MAP3K19: variants seen among roughly 807,000 people sequenced by gnomAD.
MAP3K19 encodes the protein mitogen-activated protein kinase kinase kinase 19, also known as SPS1/STE20-related protein kinase YSK4.
MAP3K19 carries 91 observed loss-of-function variants against 114.4 expected under a neutral mutation model. The observed-to-expected ratio is 0.80, with a 90% CI of 0.67 to 0.95. MAP3K19 has a LOEUF of 0.95. Among genes scored for constraint, MAP3K19 ranks in the 40% least tolerant of loss-of-function variants. MAP3K19 has a pLI of 0.00. For missense variants in MAP3K19, 1,471 were observed against 1,573.2 expected (o/e 0.94, Z 1.10); for synonymous variants, 518 against 530.5 (o/e 0.98, Z 0.32).
intron 5 of MAP3K19, among the ~76,000 whole-genome samples, chr2:135,011,556 T>C (rs1168348069): frequency 9.1e-6 from 1 of 110,318 alleles, no homozygotes; most frequent in East Asian, 3.2e-4. Context: ...AAAAAAAAAG[T>C]CTTAAAGTTG....
At chr2:135,024,472 A>C (rs904113862) in intron 4 of MAP3K19, among the ~76,000 whole-genome samples, 154 bp downstream of exon 4, 1 of 152,220 alleles carries the variant, frequency 6.6e-6, no homozygotes, top group Non-Finnish European at 1.5e-5. Flanking sequence ...CCCCCAGAGC[A>C]CCTAGTCGTG....
At chr2:135,031,477 TG>T (rs1180613274) in intron 2 of MAP3K19, among the ~76,000 whole-genome samples, 1 of 151,738 alleles carries the variant, frequency 6.6e-6, no homozygotes, top group Non-Finnish European at 1.5e-5. Flanking sequence ...GAGAAGGAGA[TG>T]TGGGTGGAGA....
In MAP3K19 at chr2:134,964,664, A is replaced by G. The variant is rs1483172846; in HGVS notation, c.*186T>C. The G allele has an allele frequency of 6.7e-6, 3 of 448,768 alleles. No individual in the cohort carries two copies. Among genetic ancestry groups the G allele is most frequent in the Non-Finnish European group, 1.2e-5 (3 of 242,568 alleles). 27.8% of individuals were successfully genotyped at this position (448,768 alleles called of 1,614,324 possible). Reference sequence around the variant, plus strand: ...AACATGTTTTCTGATACTATGAGTAATAATGTCTGACACTTGAGGAGGCTA... The same window carrying G: ...AACATGTTTTCTGATACTATGAGTAGTAATGTCTGACACTTGAGGAGGCTA... On this transcript the variant is annotated 3_prime_UTR_variant, in exon 13 of 13. Transcript: ENST00000392915.
Position 134,987,779 on chromosome 2 carries a change from G to T in MAP3K19, c.1093C>A (p.Gln365Lys). The T allele has an allele frequency of 6.2e-7, 1 of 1,607,832 alleles. No individual in the cohort carries two copies. Among genetic ancestry groups the T allele is most frequent in the South Asian group, 1.1e-5 (1 of 91,060 alleles). ...KTRKPEEENS[Q>K]YLSSRKNESS... ...TCATTCTTTCTTGATGAAAGATATTGAGAGTTCTCTTCTTCAGGTTTTCGC... is the reference window on the plus strand; with the variant it reads ...TCATTCTTTCTTGATGAAAGATATTTAGAGTTCTCTTCTTCAGGTTTTCGC... Residue 365 changes from glutamine to lysine, a missense_variant, in exon 10 of 13, where the codon CAA becomes AAA. Coordinates refer to ENST00000392915, the MANE Select transcript of MAP3K19 (RefSeq NM_025052.5).
At chr2:134,984,803 T>G (rs1011776414) in intron 10 of MAP3K19, among the ~76,000 whole-genome samples, 9 of 152,028 alleles carry the variant, frequency 5.9e-5, no homozygotes, top group African/African-American at 1.7e-4. Flanking sequence ...AATACAAAAA[T>G]TATCCAGGCG....
At chr2:134,984,680 C>T (rs183810291) in intron 10 of MAP3K19, among the ~76,000 whole-genome samples, 2 of 152,248 alleles carry the variant, frequency 1.3e-5, no homozygotes, top group African/African-American at 4.8e-5. Flanking sequence ...TGGCTGGGCG[C>T]CGTGGCTCAC....
At chr2:134,991,619 T>G in intron 8 of MAP3K19, 39 bp from the exon 9 acceptor site, 1 of 1,556,042 alleles carries the variant, frequency 6.4e-7, no homozygotes. Context: ...TTCTTAGTAG[T>G]AGAAAGAAAA....
At chr2:134,975,424 C>T (rs1280566542) in intron 12 of MAP3K19, among the ~76,000 whole-genome samples, 1 of 152,140 alleles carries the variant, frequency 6.6e-6, no homozygotes, top group Admixed American at 6.5e-5. Context: ...CCCCAGGCCC[C>T]AGGCAATGTG....
At chr2:135,027,363 A>AAG (rs946666265) in intron 3 of MAP3K19, among the ~76,000 whole-genome samples, 1 of 151,116 alleles carries the variant, frequency 6.6e-6, no homozygotes, top group Non-Finnish European at 1.5e-5. Flanking sequence ...GAAAGAAAGA[A>AAG]AGAGAGAGAG....
intron 4 of MAP3K19, among the ~76,000 whole-genome samples, chr2:135,022,410 TGAC>T (rs1688043278): frequency 1.3e-5 from 2 of 152,190 alleles, no homozygotes; most frequent in Non-Finnish European, 2.9e-5. Flanking sequence ...TTCCTGAGGA[TGAC>T]CCATCATTAC....
chr2:135,045,182 A>G (rs1001573906), intron 1 of MAP3K19, among the ~76,000 whole-genome samples: 1 of 152,162 alleles, frequency 6.6e-6, no homozygotes, highest in African/African-American at 2.4e-5. Flanking sequence ...ATCAATTTAC[A>G]CTCCCACCAG....
In MAP3K19 at chr2:134,983,807, T is replaced by G; in HGVS notation, c.3091A>C (p.Arg1031=). Residue 1031 remains arginine, a synonymous_variant, in exon 11 of 13, where the codon AGG becomes CGG. Coordinates refer to ENST00000392915, the MANE Select transcript of MAP3K19 (RefSeq NM_025052.5). ...VKIQRHSSGL[R]IYDREEKFLI... ...AATTTCTCCTCCCTGTCATATATCC[T>G]GAGCCCACTACTATGCCTCTGGAAG... is the stretch of plus-strand genomic sequence containing the variant. 1 of 1,593,202 alleles carries G rather than the reference T, an allele frequency of 6.3e-7. No homozygotes were observed. The highest frequency in any genetic ancestry group is 8.5e-7 in the Non-Finnish European group (1 of 1,172,168).
At chr2:134,969,896 C>G (rs1035387061) in intron 12 of MAP3K19, among the ~76,000 whole-genome samples, 1 of 151,968 alleles carries the variant, frequency 6.6e-6, no homozygotes, top group Non-Finnish European at 1.5e-5. Flanking sequence ...GTTCTTGGTC[C>G]CTTTGTCAAA....
At chr2:135,013,393 C>A (rs1687373712) in intron 5 of MAP3K19, among the ~76,000 whole-genome samples, 1 of 151,878 alleles carries the variant, frequency 6.6e-6, no homozygotes, top group African/African-American at 2.4e-5. Context: ...CATGCACAGC[C>A]TCACCCATTA....
chr2:135,021,455 G>A (rs1230442032), intron 5 of MAP3K19, among the ~76,000 whole-genome samples: 4 of 147,582 alleles, frequency 2.7e-5, no homozygotes, highest in African/African-American at 1.0e-4. Context: ...AGCCAGAACT[G>A]ACTAAGACAC....
chr2:135,018,985 A>G (rs1687783023), intron 5 of MAP3K19, among the ~76,000 whole-genome samples: 1 of 152,032 alleles, frequency 6.6e-6, no homozygotes, highest in Non-Finnish European at 1.5e-5. Flanking sequence ...CTCAGGAGGC[A>G]GAGACGGGAA....
chr2:134,999,150 C>T lies in MAP3K19; in HGVS notation c.315-153G>A, dbSNP rs1301846152. Among the ~76,000 whole-genome samples, 1 of 152,184 alleles carries T rather than the reference C, an allele frequency of 6.6e-6. No homozygotes were observed. Among genetic ancestry groups the T allele is most frequent in the African/African-American group, 2.4e-5 (1 of 41,442 alleles). The stretch of plus-strand genomic sequence containing the variant: ...AAGGCTGAATCCTGAGAGGGTAAGA[C>T]ATCTCCACCTGCTGACTCCTCCTGG... On this transcript the variant is annotated intron_variant, in intron 7 of 12. Coordinates refer to ENST00000392915, the MANE Select transcript of MAP3K19 (RefSeq NM_025052.5). The surrounding 1 kb of genome is among the most constrained non-coding windows in gnomAD (Gnocchi z 4.1).
intron 1 of MAP3K19, among the ~76,000 whole-genome samples, chr2:135,044,046 C>T (rs1054997149): frequency 6.6e-6 from 1 of 152,106 alleles, no homozygotes; most frequent in Admixed American, 6.5e-5. Context: ...CTTTATCTAC[C>T]TTTGTTCAAA....
chr2:135,039,582 A>T (rs1164638885), intron 2 of MAP3K19, among the ~76,000 whole-genome samples: 2 of 152,078 alleles, frequency 1.3e-5, no homozygotes, highest in African/African-American at 2.4e-5. Context: ...CCCTGTCTCA[A>T]AAAACAAAAC....
Sources: allele counts gnomAD v4.1 joint callset (sites outside exome capture counted in the v4.1 genomes callset), GRCh38; gene constraint gnomAD v4.1.1; non-coding constraint Gnocchi (gnomAD v3.1); transcripts MANE v1.5; gene names NCBI Gene and HGNC (gene_info 2026-07-23, HGNC 2026-07-21).